The following TAS2R1 variants were observed in gnomAD, a reference collection of about 807,000 sequenced individuals.
TAS2R1 encodes the protein taste receptor type 2 member 1.
For synonymous variants in TAS2R1, 141 were observed against 134.2 expected, an observed-to-expected ratio of 1.05 and a Z score of -0.35; for missense variants, 370 against 353.4, an observed-to-expected ratio of 1.05 and a Z score of -0.38.
the TAS2R1 span, among the ~76,000 whole-genome samples, chr5:9,821,307 A>C: frequency 6.6e-6 from 1 of 152,164 alleles, no homozygotes; most frequent in South Asian, 2.1e-4. Flanking sequence ...GCACACCACC[A>C]CCACCACCAC....
At chr5:9,720,904 T>A in the TAS2R1 span, among the ~76,000 whole-genome samples, 1 of 152,224 alleles carries the variant, frequency 6.6e-6, no homozygotes, top group South Asian at 2.1e-4. Flanking sequence ...CTGTGCCCAT[T>A]TCTCTTGTCA....
At chr5:9,867,691 G>C in the TAS2R1 span, among the ~76,000 whole-genome samples, 49 of 152,252 alleles carry the variant, frequency 3.2e-4, no homozygotes, top group African/African-American at 1.2e-3. Flanking sequence ...AACCAATCAT[G>C]CCTTCCCAGC....
chr5:9,743,407 GTGCTGCAC>G, the TAS2R1 span, among the ~76,000 whole-genome samples: 9 of 151,960 alleles, frequency 5.9e-5, no homozygotes, highest in East Asian at 1.7e-3. Flanking sequence ...CCATGTTGGT[GTGCTGCAC>G]CCATTAACTT....
chr5:9,630,793 A>G (rs1739858846), upstream of TAS2R1, among the ~76,000 whole-genome samples: 1 of 152,176 alleles, frequency 6.6e-6, no homozygotes, highest in African/African-American at 2.4e-5. Flanking sequence ...TTCCAAAATT[A>G]TGAGAGTTTT....
upstream of TAS2R1, chr5:9,713,343 T>C (rs367939392): frequency 6.6e-6 from 1 of 152,316 alleles, no homozygotes; most frequent in East Asian, 1.9e-4. Context: ...TAGAATAGAA[T>C]AAATGCTTTG....
At chr5:9,825,852 C>T in the TAS2R1 span, among the ~76,000 whole-genome samples, 1 of 152,088 alleles carries the variant, frequency 6.6e-6, no homozygotes, top group Non-Finnish European at 1.5e-5. Context: ...TCTGAGAAAC[C>T]TTCCTTGCTT....
the TAS2R1 span, among the ~76,000 whole-genome samples, chr5:9,866,483 T>C: frequency 6.6e-6 from 1 of 152,232 alleles, no homozygotes; most frequent in Non-Finnish European, 1.5e-5. Context: ...TTTAAGACTT[T>C]GAATAAGGTT....
At chr5:9,666,421 T>G (rs1387270054) in intron 1 of TAS2R1, among the ~76,000 whole-genome samples, 1 of 152,150 alleles carries the variant, frequency 6.6e-6, no homozygotes. Flanking sequence ...ATGCTCTTAA[T>G]GTCTACAAAA....
At chr5:9,694,490 T>C (rs115568367) in intron 1 of TAS2R1, among the ~76,000 whole-genome samples, 1,780 of 152,340 alleles carry the variant, frequency 0.012, 41 homozygotes, top group African/African-American at 0.041. Flanking sequence ...TTTCTTAATT[T>C]GGGCTTCAAT....
intron 2 of TAS2R1, among the ~76,000 whole-genome samples, chr5:9,659,072 T>G (rs1740476143): frequency 6.6e-6 from 1 of 152,210 alleles, no homozygotes; most frequent in Non-Finnish European, 1.5e-5. Flanking sequence ...CCAGGTTTAA[T>G]AAATCTGTCT....
chr5:9,876,109 A>T, the TAS2R1 span, among the ~76,000 whole-genome samples: 1 of 152,074 alleles, frequency 6.6e-6, no homozygotes, highest in African/African-American at 2.4e-5. Context: ...GGACAGGAGA[A>T]GTCTGGTAGC....
chr5:9,884,126 A>G, the TAS2R1 span: 1 of 152,132 alleles, frequency 6.6e-6, no homozygotes, highest in African/African-American at 2.4e-5. Flanking sequence ...CCAGGATAAC[A>G]TCATTAATCC....
At chr5:9,759,215 T>C in the TAS2R1 span, among the ~76,000 whole-genome samples, 5 of 152,230 alleles carry the variant, frequency 3.3e-5, no homozygotes, top group South Asian at 6.2e-4. Context: ...ATTGGTTGAA[T>C]GATCAAACTG....
chr5:9,649,366 A>C (rs542324899), intron 2 of TAS2R1, among the ~76,000 whole-genome samples: 36 of 152,352 alleles, frequency 2.4e-4, no homozygotes, highest in Non-Finnish European at 3.4e-4. Flanking sequence ...TATATAGACA[A>C]GAAAATATTT....
the TAS2R1 span, among the ~76,000 whole-genome samples, chr5:9,732,587 A>G: frequency 3.9e-5 from 6 of 152,102 alleles, no homozygotes; most frequent in Non-Finnish European, 8.8e-5. Context: ...AGCAGGGTGG[A>G]TGGTGGCTCA....
chr5:9,660,130 C>T (rs1314957243), intron 1 of TAS2R1: 3 of 146,908 alleles, frequency 2.0e-5, no homozygotes, highest in Non-Finnish European at 4.4e-5. Context: ...GCGATCTCGG[C>T]TCACTGCAAG....
At chr5:9,875,236 C>G in the TAS2R1 span, among the ~76,000 whole-genome samples, 6 of 152,140 alleles carry the variant, frequency 3.9e-5, no homozygotes, top group African/African-American at 1.4e-4. Context: ...CAGGAGCCAA[C>G]AGGGGAGTGG....
chr5:9,896,281 T>C, the TAS2R1 span, among the ~76,000 whole-genome samples: 1 of 152,194 alleles, frequency 6.6e-6, no homozygotes, highest in African/African-American at 2.4e-5. Flanking sequence ...AGTATTTGTT[T>C]AGTAAATGTC....
the TAS2R1 span, among the ~76,000 whole-genome samples, chr5:9,847,289 C>T: frequency 6.6e-6 from 1 of 152,188 alleles, no homozygotes; most frequent in African/African-American, 2.4e-5. Context: ...TCTTACATAA[C>T]ATGGTAAAGG....
Sources: gnomAD v4.1 joint callset for allele counts (sites outside exome capture counted in the v4.1 genomes callset) on GRCh38, gnomAD v4.1.1 for gene constraint, MANE v1.5 for transcripts, NCBI Gene and HGNC (gene_info 2026-07-23, HGNC 2026-07-21) for gene names.